Variants in PLXDC2 observed in about 807,000 individuals in gnomAD.
PLXDC2 encodes the protein plexin domain containing 2.
PLXDC2 carries 40 observed loss-of-function variants against 68.9 expected under a neutral mutation model. That is an observed-to-expected ratio of 0.58 (90% CI 0.45 to 0.76). The LOEUF (loss-of-function observed/expected upper bound fraction) is 0.76. PLXDC2 is among the 30% of genes least tolerant of loss of function. The probability of loss-of-function intolerance (pLI) is 0.00; values close to 1 mark genes in which losing one functional copy is unlikely to be tolerated. For missense variants in PLXDC2, 644 were observed against 661.9 expected, an observed-to-expected ratio of 0.97 and a Z score of 0.30; for synonymous variants, 243 against 234.2, an observed-to-expected ratio of 1.04 and a Z score of -0.34.
intron 1 of PLXDC2, among the ~76,000 whole-genome samples, chr10:19,822,336 C>T (rs1386228215): frequency 6.6e-5 from 10 of 151,074 alleles, no homozygotes; most frequent in Admixed American, 6.6e-4. Context: ...ATATGCACTA[C>T]ATATGCAATG....
intron 1 of PLXDC2, among the ~76,000 whole-genome samples, chr10:19,906,702 A>C (rs1009467668): frequency 4.6e-5 from 7 of 152,194 alleles, no homozygotes; most frequent in Admixed American, 1.3e-4. Context: ...CTCCTGAGTC[A>C]GAAGGCCCCA....
intron 1 of PLXDC2, among the ~76,000 whole-genome samples, chr10:19,979,357 G>C (rs114745681): frequency 1.3e-5 from 2 of 151,244 alleles, no homozygotes; most frequent in African/African-American, 4.9e-5. Context: ...CCTTTCATCT[G>C]TCTATCAATA....
chr10:19,831,773 C>T (rs930473768), intron 1 of PLXDC2, among the ~76,000 whole-genome samples: 1 of 152,152 alleles, frequency 6.6e-6, no homozygotes, highest in African/African-American at 2.4e-5. Flanking sequence ...TTTTTTGTGG[C>T]TGCATAATAT....
Position 20,283,575 on chromosome 10 carries a change from A to G in PLXDC2, c.*3756A>G, listed in dbSNP as rs1255135429. ...CTTCAGTTTCTTTTCTGCCCATCTG[A>G]ATATTTCCTTTAGTATTTGTCCCAC... On this transcript the variant is annotated 3_prime_UTR_variant, in exon 14 of 14. Transcript: ENST00000377252. 6.6e-6 allele frequency: 1 copy of G among 152,192 alleles called. No homozygotes were observed. The highest frequency in any genetic ancestry group is 1.5e-5 in the Non-Finnish European group (1 of 68,036). The allele number at this position is 152,192 out of a possible 1,614,324, so 9.4% of individuals were successfully genotyped here. A position where few individuals can be genotyped will look rare whatever the true frequency, so the allele number is the denominator to read the frequency against.
At chr10:19,903,557 T>A (rs2131369046) in intron 1 of PLXDC2, among the ~76,000 whole-genome samples, 1 of 152,044 alleles carries the variant, frequency 6.6e-6, no homozygotes, top group African/African-American at 2.4e-5. Context: ...CTTATTTGGA[T>A]TTTTTTTCTT....
At chr10:19,962,304 T>C (rs913120253) in intron 1 of PLXDC2, among the ~76,000 whole-genome samples, 1 of 144,574 alleles carries the variant, frequency 6.9e-6, no homozygotes, top group Admixed American at 7.0e-5. Flanking sequence ...CTTACAACAG[T>C]AATATGATAA....
intron 13 of PLXDC2, among the ~76,000 whole-genome samples, chr10:20,256,983 G>A (rs1835750660): frequency 1.3e-5 from 2 of 152,180 alleles, no homozygotes; most frequent in African/African-American, 2.4e-5. Flanking sequence ...GAGGATCGTA[G>A]CCTCAACTGT....
At chr10:20,213,704 A>T (rs997331757) in intron 10 of PLXDC2, among the ~76,000 whole-genome samples, 1 of 152,100 alleles carries the variant, frequency 6.6e-6, no homozygotes, top group African/African-American at 2.4e-5. Flanking sequence ...AGAACATGTT[A>T]TGATCTTTAA....
chr10:19,827,471 A>G (rs137876379), intron 1 of PLXDC2, among the ~76,000 whole-genome samples: 2 of 152,280 alleles, frequency 1.3e-5, no homozygotes, highest in East Asian at 3.9e-4. Flanking sequence ...TTCAATTTCT[A>G]AACAACTGGG....
At chr10:20,229,207 G>C (rs139405950) in intron 12 of PLXDC2, among the ~76,000 whole-genome samples, 240 of 152,212 alleles carry the variant, frequency 1.6e-3, no homozygotes, top group African/African-American at 5.7e-3. Context: ...GGAGACAGGA[G>C]GGAGAAATTG....
At chr10:20,251,462 T>C (rs1244319381) in intron 13 of PLXDC2, among the ~76,000 whole-genome samples, 2 of 152,164 alleles carry the variant, frequency 1.3e-5, no homozygotes, top group African/African-American at 4.8e-5. Context: ...AGGGTCAATA[T>C]ATCTAGGTTC....
At chr10:20,067,687 CAAAA>C (rs776006903) in intron 3 of PLXDC2, among the ~76,000 whole-genome samples, 1 of 78,790 alleles carries the variant, frequency 1.3e-5, no homozygotes. Flanking sequence ...AACTCCGACT[CAAAA>C]AAAAAAAAAA....
intron 1 of PLXDC2, among the ~76,000 whole-genome samples, chr10:19,994,226 G>A (rs998251689): frequency 1.5e-5 from 2 of 132,976 alleles, no homozygotes; most frequent in African/African-American, 5.6e-5. Flanking sequence ...ATAAAGAGAA[G>A]CTTTCATAGG....
At chr10:20,263,728 T>C (rs1015152775) in intron 13 of PLXDC2, among the ~76,000 whole-genome samples, 2 of 152,092 alleles carry the variant, frequency 1.3e-5, no homozygotes, top group African/African-American at 2.4e-5. Context: ...AAGCTGCGTA[T>C]CACTGATCAT....
chr10:20,098,650 A>G (rs1039215894), intron 4 of PLXDC2, among the ~76,000 whole-genome samples: 1 of 152,198 alleles, frequency 6.6e-6, no homozygotes, highest in Admixed American at 6.5e-5. Flanking sequence ...CTTTCCTGCC[A>G]ATAGCATCCT....
chr10:20,124,189 C>G (rs946647947), intron 4 of PLXDC2, among the ~76,000 whole-genome samples: 6 of 152,126 alleles, frequency 3.9e-5, no homozygotes, highest in Non-Finnish European at 8.8e-5. Flanking sequence ...TGATTCAACA[C>G]CAGGGGAAGG....
intron 7 of PLXDC2, among the ~76,000 whole-genome samples, chr10:20,173,077 C>T (rs1834470408): frequency 1.3e-5 from 2 of 152,116 alleles, no homozygotes; most frequent in African/African-American, 4.8e-5. Context: ...ATAATAGTGT[C>T]ATTTGTATCT....
intron 1 of PLXDC2, among the ~76,000 whole-genome samples, chr10:19,930,809 A>T (rs1833615013): frequency 6.6e-6 from 1 of 152,058 alleles, no homozygotes; most frequent in South Asian, 2.1e-4. Context: ...CTAAAACTAC[A>T]AAAATTAGCC....
At chr10:19,906,908 A>G (rs1833172164) in intron 1 of PLXDC2, among the ~76,000 whole-genome samples, 1 of 152,018 alleles carries the variant, frequency 6.6e-6, no homozygotes, top group African/African-American at 2.4e-5. Flanking sequence ...TCTTCACCCT[A>G]TGTTTGACAG....
Sources: gnomAD v4.1 joint callset for allele counts (sites outside exome capture counted in the v4.1 genomes callset) on GRCh38, gnomAD v4.1.1 for gene constraint, MANE v1.5 for transcripts, NCBI Gene and HGNC (gene_info 2026-07-23, HGNC 2026-07-21) for gene names.